TTC19: variants seen among roughly 807,000 people sequenced by gnomAD.
TTC19 encodes tetratricopeptide repeat protein 19, mitochondrial.
In TTC19, 38 loss-of-function variants were observed where a neutral mutation model predicts 49.5. The observed-to-expected ratio is 0.77, with a 90% CI of 0.59 to 1.01. The LOEUF is 1.01. Among genes scored for constraint, TTC19 ranks in the 50% least tolerant of loss-of-function variants. TTC19 has a pLI of 0.00. For synonymous variants in TTC19, 204 were observed against 185.2 expected, an observed-to-expected ratio of 1.10 and a Z score of -0.83; for missense variants, 475 against 477.7, an observed-to-expected ratio of 0.99 and a Z score of 0.05.
At chr17:16,042,221 T>C (rs1441435569) in intron 2 of TTC19, among the ~76,000 whole-genome samples, 1 of 152,170 alleles carries the variant, frequency 6.6e-6, no homozygotes, top group Admixed American at 6.5e-5. Context: ...GTCTTCTTAC[T>C]TATGGGCCAG....
chr17:16,010,199 A>T (rs1196746688), intron 7 of TTC19, among the ~76,000 whole-genome samples: 2 of 120,712 alleles, frequency 1.7e-5, no homozygotes, highest in Non-Finnish European at 1.6e-5. Flanking sequence ...TTTGAGACAG[A>T]GTCTCACTCT....
chr17:16,003,306 G>T (rs1046923258), intron 4 of TTC19, among the ~76,000 whole-genome samples: 2 of 151,900 alleles, frequency 1.3e-5, no homozygotes, highest in Admixed American at 6.6e-5. Context: ...GTTGGAGTGC[G>T]GTGGCTTAAT....
At chr17:16,040,159 C>T (rs2057294035) in intron 2 of TTC19, 1 of 552,066 alleles carries the variant, frequency 1.8e-6, no homozygotes, top group South Asian at 1.5e-5. Context: ...GTCACCCACA[C>T]TTCTATTAAA....
chr17:16,038,435 C>CTT (rs34997322), intron 2 of TTC19, among the ~76,000 whole-genome samples: 3 of 149,334 alleles, frequency 2.0e-5, no homozygotes, highest in South Asian at 2.1e-4. Context: ...TTTTCCTACT[C>CTT]TTTTTTTTTT....
intron 7 of TTC19, among the ~76,000 whole-genome samples, chr17:16,008,365 C>G (rs925071428): frequency 6.6e-6 from 1 of 152,178 alleles, no homozygotes; most frequent in Non-Finnish European, 1.5e-5. Context: ...AAATGGCACA[C>G]TACTCATTTA....
chr17:16,007,342 C>T (rs1213919379), intron 7 of TTC19, among the ~76,000 whole-genome samples: 1 of 152,066 alleles, frequency 6.6e-6, no homozygotes, highest in Non-Finnish European at 1.5e-5. Flanking sequence ...AGATTAACAA[C>T]AATAACTTTT....
chr17:16,035,530 CTTT>C lies in TTC19; in HGVS notation c.247+8848_247+8850del, dbSNP rs966987249. 1.6e-4 allele frequency among the ~76,000 whole-genome samples: 19 copies of C among 118,312 alleles called. No individual in the cohort carries two copies. The South Asian group carries it at 1.7e-3, about 11-fold the overall frequency. 77.6% of individuals were successfully genotyped at this position (118,312 alleles called of 152,430 possible). A position where few individuals can be genotyped will look rare whatever the true frequency, so the allele number is the denominator to read the frequency against. On this transcript the variant is annotated intron_variant, in intron 2 of 2. Transcript: ENST00000470649. The stretch of plus-strand genomic sequence containing the variant: ...AGGCTCCACTACTAGTTCTCTTGTT[CTTT>C]TTTTTTTTTTTTTTTTTTTAAGGCA...
chr17:16,023,793 A>T (rs1210640846), intron 7 of TTC19: 5 of 152,222 alleles, frequency 3.3e-5, no homozygotes, highest in African/African-American at 1.2e-4. Context: ...AGCAAGCTGC[A>T]CTTTTTTTCT....
At chr17:16,037,385 A>G (rs1485379893) in intron 2 of TTC19, among the ~76,000 whole-genome samples, 2 of 152,176 alleles carry the variant, frequency 1.3e-5, no homozygotes, top group African/African-American at 4.8e-5. Context: ...GACTTGCTTG[A>G]CACAGGGTTG....
intron 7 of TTC19, among the ~76,000 whole-genome samples, chr17:16,016,864 TGG>T (rs1971231411): frequency 6.6e-6 from 1 of 152,052 alleles, no homozygotes. Flanking sequence ...AGCCAGTTTT[TGG>T]TATTTTTAGT....
At chr17:16,037,181 C>A (rs1453345955) in intron 2 of TTC19, among the ~76,000 whole-genome samples, 3 of 152,130 alleles carry the variant, frequency 2.0e-5, no homozygotes, top group African/African-American at 7.2e-5. Context: ...CACACACCAC[C>A]TTTATGGGTT....
intron 2 of TTC19, chr17:16,034,906 T>C: frequency 6.2e-7 from 1 of 1,614,190 alleles, no homozygotes. Flanking sequence ...GATTTCCTGC[T>C]GTTTGACTTG....
intron 2 of TTC19, among the ~76,000 whole-genome samples, chr17:16,042,557 CTATT>C (rs1229095043): frequency 6.6e-6 from 1 of 152,178 alleles, no homozygotes; most frequent in Admixed American, 6.5e-5. Flanking sequence ...CATAATTCAA[CTATT>C]TAATAAGCAA....
intron 7 of TTC19, among the ~76,000 whole-genome samples, chr17:16,020,360 TTGTC>T (rs140238985): frequency 0.032 from 4,797 of 152,180 alleles, 251 homozygotes; most frequent in African/African-American, 0.11. Context: ...TTTTGAGGGG[TTGTC>T]TTTTTCTTAA....
At chr17:16,007,344 A>G (rs1282848426) in intron 7 of TTC19, among the ~76,000 whole-genome samples, 1 of 151,194 alleles carries the variant, frequency 6.6e-6, no homozygotes, top group African/African-American at 2.5e-5. Flanking sequence ...ATTAACAACA[A>G]TAACTTTTAA....
At chr17:16,013,856 T>C (rs1297626020) in intron 7 of TTC19, among the ~76,000 whole-genome samples, 1 of 152,212 alleles carries the variant, frequency 6.6e-6, no homozygotes, top group Non-Finnish European at 1.5e-5. Context: ...TTTGGGGAGA[T>C]TGCCATCTGA....
Position 16,028,739 on chromosome 17 carries a change from T to C in TTC19, c.*1217T>C. 1 of 418,600 alleles carries C rather than the reference T, an allele frequency of 2.4e-6. No homozygotes were observed. Among genetic ancestry groups the C allele is most frequent in the Non-Finnish European group, 4.6e-6 (1 of 215,224 alleles). The allele number at this position is 418,600 out of a possible 1,614,324, so 25.9% of individuals were successfully genotyped here. On this transcript the variant is annotated 3_prime_UTR_variant, in exon 10 of 10. Coordinates refer to ENST00000261647, the MANE Select transcript of TTC19 (RefSeq NM_017775.4). Reference sequence around the variant, plus strand: ...GATAAACTGATACTTTTGGTTCGTATGTACATACTGGAAGAATCTTCATAA... The same window carrying C: ...GATAAACTGATACTTTTGGTTCGTACGTACATACTGGAAGAATCTTCATAA...
chr17:16,032,502 G>C (rs763031657), downstream of TTC19: 1 of 1,557,906 alleles, frequency 6.4e-7, no homozygotes, highest in Non-Finnish European at 8.7e-7. Flanking sequence ...AGAAAAATTA[G>C]GTTTTCATTG....
intron 9 of TTC19, chr17:16,027,056 C>T: frequency 2.0e-6 from 1 of 508,648 alleles, no homozygotes; most frequent in Non-Finnish European, 3.6e-6. Flanking sequence ...ATCATTTTGT[C>T]AGACATTTCT....
Sources: gnomAD v4.1 joint callset for allele counts (sites outside exome capture counted in the v4.1 genomes callset) on GRCh38, gnomAD v4.1.1 for gene constraint, MANE v1.5 for transcripts, NCBI Gene and HGNC (gene_info 2026-07-23, HGNC 2026-07-21) for gene names.